Variants in GSE1 observed in about 807,000 individuals in gnomAD.
GSE1 encodes the protein genetic suppressor element 1.
Under a neutral mutation model 112.6 loss-of-function variants are expected in GSE1, and 32 were observed. The ratio of observed to expected loss-of-function variants is 0.28; its 90% CI spans 0.21 to 0.38. The LOEUF is 0.38. GSE1 is among the 10% of genes least tolerant of loss of function. GSE1 has a pLI of 1.00. For missense variants in GSE1, 2,348 were observed against 1,699.2 expected (o/e 1.38, Z -6.71); for synonymous variants, 1,115 against 735.6 (o/e 1.52, Z -8.35).
intron 2 of GSE1, among the ~76,000 whole-genome samples, chr16:85,481,725 A>C (rs534810823): frequency 1.3e-5 from 2 of 152,184 alleles, no homozygotes; most frequent in African/African-American, 4.8e-5. Context: ...CGCCAGAGCA[A>C]ATGCATTTAG....
At chr16:85,428,749 C>G (rs1400273382) in intron 2 of GSE1, among the ~76,000 whole-genome samples, 1 of 152,154 alleles carries the variant, frequency 6.6e-6, no homozygotes, top group Non-Finnish European at 1.5e-5. Context: ...AATTCACCTC[C>G]CACCCCCCAT....
In GSE1 at chr16:85,674,533, A is replaced by G. The variant is rs1405410240; in HGVS notation, c.*1994A>G. 6.6e-6 allele frequency: 1 copy of G among 152,198 alleles called. No homozygotes were observed. Among genetic ancestry groups the G allele is most frequent in the Non-Finnish European group, 1.5e-5 (1 of 68,040 alleles). 9.4% of individuals were successfully genotyped at this position (152,198 alleles called of 1,614,324 possible). A position where few individuals can be genotyped will look rare whatever the true frequency, so the allele number is the denominator to read the frequency against. On this transcript the variant is annotated 3_prime_UTR_variant, in exon 16 of 16. Transcript: ENST00000253458. ...CACTGGATTTCTCCACTGAAAACCT[A>G]CTTGAGGTTTCTGGTCTGAAGGCTT...
At chr16:85,407,803 C>A (rs1254637633) in intron 2 of GSE1, among the ~76,000 whole-genome samples, 1 of 12,360 alleles carries the variant, frequency 8.1e-5, no homozygotes, top group Non-Finnish European at 1.9e-4. Context: ...CTCAGGGCCC[C>A]CCGGATAATC....
intron 1 of GSE1, among the ~76,000 whole-genome samples, chr16:85,599,516 G>A (rs1253346552): frequency 6.6e-6 from 1 of 152,220 alleles, no homozygotes; most frequent in Non-Finnish European, 1.5e-5. Context: ...TTTGGGGATC[G>A]TGAGTCAACG....
intron 2 of GSE1, chr16:85,463,225 C>A: frequency 6.3e-6 from 3 of 476,288 alleles, no homozygotes; most frequent in South Asian, 8.9e-5. Context: ...CCTGGCCCCG[C>A]ACTCACCCAG....
intron 2 of GSE1, among the ~76,000 whole-genome samples, chr16:85,538,263 C>T (rs2044401077): frequency 6.6e-6 from 1 of 152,258 alleles, no homozygotes; most frequent in South Asian, 2.1e-4. Context: ...TTGCTTTCAG[C>T]CAGGACTGCT....
intron 1 of GSE1, among the ~76,000 whole-genome samples, chr16:85,254,780 G>A (rs560136042): frequency 1.1e-3 from 164 of 152,336 alleles, no homozygotes; most frequent in South Asian, 6.0e-3. Flanking sequence ...AGGCAGAGGG[G>A]TCCCAGTCAG....
chr16:85,333,974 T>C (rs2046429248), intron 1 of GSE1, among the ~76,000 whole-genome samples: 1 of 152,210 alleles, frequency 6.6e-6, no homozygotes, highest in African/African-American at 2.4e-5. Flanking sequence ...TAGATACTAC[T>C]GTGACAACCA....
chr16:85,517,354 A>G (rs1370968867), intron 2 of GSE1, among the ~76,000 whole-genome samples: 2 of 152,090 alleles, frequency 1.3e-5, no homozygotes, highest in East Asian at 1.9e-4. Flanking sequence ...CAGCTTTCTC[A>G]TCTGTGAAAT....
chr16:85,502,964 C>G (rs1331965211), intron 2 of GSE1, among the ~76,000 whole-genome samples: 1 of 152,134 alleles, frequency 6.6e-6, no homozygotes, highest in Non-Finnish European at 1.5e-5. Flanking sequence ...AGGAGACAGA[C>G]AAGGTCCAGG....
intron 1 of GSE1, among the ~76,000 whole-genome samples, chr16:85,219,370 T>C (rs1199320268): frequency 6.6e-6 from 1 of 152,208 alleles, no homozygotes; most frequent in Non-Finnish European, 1.5e-5. Context: ...TTTGACACTT[T>C]GGTTGGATCC....
rs775652875 is a variant in GSE1 at position 85,654,849 on chromosome 16, C to T, written c.655C>T (p.Leu219=). The T allele has an allele frequency of 1.4e-5, 23 of 1,612,164 alleles. No homozygotes were observed. The highest frequency in any genetic ancestry group is 1.8e-5 in the Non-Finnish European group (21 of 1,179,632). ...CCCCAGTACCGTGACCGAGGACTAC[C>T]TGAGAAGCTTCCGGCCCTACCACAC... The part of the protein sequence containing the change: ...VPPSTVTEDY[L]RSFRPYHTTD... The change falls in exon 5 of 16, where the codon CTG becomes TTG. Residue 219 remains leucine, a synonymous_variant. Coordinates refer to ENST00000253458, the MANE Select transcript of GSE1 (RefSeq NM_014615.5).
At chr16:85,440,734 A>AT (rs2049355962) in intron 2 of GSE1, among the ~76,000 whole-genome samples, 1 of 152,218 alleles carries the variant, frequency 6.6e-6, no homozygotes, top group Admixed American at 6.5e-5. Flanking sequence ...TCACGGGGGC[A>AT]CAGCGCGGCC....
chr16:85,234,023 C>G (rs1025427693), intron 1 of GSE1, among the ~76,000 whole-genome samples: 27 of 152,172 alleles, frequency 1.8e-4, no homozygotes, highest in African/African-American at 6.3e-4. Context: ...AAAGCAGATT[C>G]CAAGGCCCCC....
intron 1 of GSE1, among the ~76,000 whole-genome samples, chr16:85,313,214 G>C (rs895724372): frequency 6.6e-6 from 1 of 152,178 alleles, no homozygotes; most frequent in African/African-American, 2.4e-5. Context: ...TCATGGACCG[G>C]GGGCAGCACC....
At chr16:85,370,061 C>T (rs974276295) in intron 2 of GSE1, among the ~76,000 whole-genome samples, 1 of 152,144 alleles carries the variant, frequency 6.6e-6, no homozygotes, top group Admixed American at 6.5e-5. Flanking sequence ...TCTAGGTGGT[C>T]CCTGCGCCAC....
intron 1 of GSE1, among the ~76,000 whole-genome samples, chr16:85,239,561 A>C (rs1322700068): frequency 2.0e-5 from 3 of 152,184 alleles, no homozygotes; most frequent in Non-Finnish European, 4.4e-5. Flanking sequence ...TCCTGGTGCT[A>C]CCATGCCTTC....
chr16:85,276,423 C>T (rs1909369448), intron 1 of GSE1, among the ~76,000 whole-genome samples: 1 of 152,238 alleles, frequency 6.6e-6, no homozygotes, highest in Admixed American at 6.5e-5. Flanking sequence ...GCGATTTGTT[C>T]ACCCAGCGGT....
At chr16:85,491,701 A>T (rs2051016039) in intron 2 of GSE1, among the ~76,000 whole-genome samples, 1 of 151,782 alleles carries the variant, frequency 6.6e-6, no homozygotes, top group Admixed American at 6.5e-5. Context: ...CCTTTCAGGA[A>T]GGGGCAGCTG....
Sources: allele counts gnomAD v4.1 joint callset (sites outside exome capture counted in the v4.1 genomes callset), GRCh38; gene constraint gnomAD v4.1.1; transcripts MANE v1.5; gene names NCBI Gene and HGNC (gene_info 2026-07-23, HGNC 2026-07-21).